The following REPS2 variants were observed in gnomAD, a reference collection of about 807,000 sequenced individuals.
REPS2 encodes RALBP1 associated Eps domain containing 2, also known as ralBP1-associated Eps domain-containing protein 2.
A neutral mutation model predicts 53.6 loss-of-function variants in REPS2; 23 were observed. The ratio of observed to expected loss-of-function variants is 0.43; its 90% confidence interval spans 0.31 to 0.61. The LOEUF (loss-of-function observed/expected upper bound fraction) is 0.61. Ranked by LOEUF, REPS2 falls within the 20% of genes least tolerant of loss-of-function variation. REPS2 has a pLI of 0.11. For missense variants in REPS2, 446 were observed against 534.9 expected (o/e 0.83, Z 1.64); for synonymous variants, 238 against 218.6 (o/e 1.09, Z -0.78).
chrX:17,066,729 C>T (rs557247584), intron 9 of REPS2, among the ~76,000 whole-genome samples: 4 of 111,875 alleles, frequency 3.6e-5, no homozygotes, highest in African/African-American at 6.5e-5. Flanking sequence ...AAAAATTAGC[C>T]GGGCGTGGTG....
the REPS2 span, among the ~76,000 whole-genome samples, chrX:17,180,176 T>C: frequency 9.0e-6 from 1 of 111,545 alleles, no homozygotes; most frequent in African/African-American, 3.3e-5. Flanking sequence ...GAGGAGGGTC[T>C]TAGGGTAAAA....
intron 13 of REPS2, among the ~76,000 whole-genome samples, chrX:17,083,770 A>C (rs1411983092): frequency 9.0e-6 from 1 of 111,230 alleles, no homozygotes; most frequent in African/African-American, 3.3e-5. Context: ...TTCTTTTAAA[A>C]TCTGGTAGGA....
At position 17,151,341 on chromosome X, in the gene REPS2, G is replaced by A. The variant is rs1157667215; in HGVS notation, c.*3860G>A. 1 of 112,386 alleles carries A rather than the reference G, an allele frequency of 8.9e-6. No homozygotes were observed. The highest frequency in any genetic ancestry group is 1.9e-5 in the Non-Finnish European group (1 of 53,244). The allele number at this position is 112,386 out of a possible 1,213,427, so 9.3% of individuals were successfully genotyped here. ...TCTTTAGTTGTGATTTGATTCTATA[G>A]TCTGTTTCTAAATGACATTTGTCTG... On this transcript the variant is annotated 3_prime_UTR_variant, in exon 18 of 18. Coordinates refer to ENST00000357277, the MANE Select transcript of REPS2 (RefSeq NM_004726.3).
chrX:16,962,640 C>T (rs1335516595), intron 1 of REPS2, among the ~76,000 whole-genome samples: 1 of 111,290 alleles, frequency 9.0e-6, no homozygotes. Flanking sequence ...GGAAAATGTG[C>T]TAAGAGTAGA....
intron 11 of REPS2, among the ~76,000 whole-genome samples, chrX:17,070,294 A>T (rs2062286410): frequency 8.9e-6 from 1 of 112,271 alleles, no homozygotes; most frequent in Non-Finnish European, 1.9e-5. Flanking sequence ...TGAGGTTGAG[A>T]TGATTTCAAC....
chrX:16,995,890 G>A (rs1380062636), intron 1 of REPS2, among the ~76,000 whole-genome samples: 1 of 111,678 alleles, frequency 9.0e-6, no homozygotes, highest in Non-Finnish European at 1.9e-5. Context: ...CTAGATCCAA[G>A]CTCATGCATT....
chrX:17,134,647 T>A (rs755103151), intron 15 of REPS2, among the ~76,000 whole-genome samples: 4 of 110,884 alleles, frequency 3.6e-5, no homozygotes, highest in Non-Finnish European at 7.6e-5. Flanking sequence ...TTTTTTTTCC[T>A]GAGACAGAGT....
At chrX:16,964,605 G>A (rs1001128446) in intron 1 of REPS2, among the ~76,000 whole-genome samples, 4 of 109,325 alleles carry the variant, frequency 3.7e-5, no homozygotes, top group Admixed American at 9.5e-5. Flanking sequence ...AGTAGGTGCC[G>A]CCGGGCAGAG....
intron 11 of REPS2, among the ~76,000 whole-genome samples, chrX:17,072,986 C>A (rs1285531022): frequency 1.8e-5 from 2 of 112,121 alleles, no homozygotes; most frequent in African/African-American, 6.5e-5. Context: ...CTACAACAAG[C>A]CAAAATGCTT....
the REPS2 span, among the ~76,000 whole-genome samples, chrX:17,166,444 A>G: frequency 8.9e-6 from 1 of 112,123 alleles, no homozygotes; most frequent in African/African-American, 3.2e-5. Flanking sequence ...GTTTTAGCTC[A>G]TTGACTTAAA....
intron 1 of REPS2, among the ~76,000 whole-genome samples, chrX:16,972,062 G>A (rs1450459481): frequency 8.9e-6 from 1 of 112,092 alleles, no homozygotes; most frequent in Non-Finnish European, 1.9e-5. Flanking sequence ...GTTAGAAGGT[G>A]GGGGAGTGAG....
At chrX:17,053,005 A>G (rs926933961) in intron 7 of REPS2, among the ~76,000 whole-genome samples, 1 of 111,682 alleles carries the variant, frequency 9.0e-6, no homozygotes, top group Non-Finnish European at 1.9e-5. Context: ...CAAAAGGGCT[A>G]TGCTGGGATG....
the REPS2 span, among the ~76,000 whole-genome samples, chrX:17,181,955 C>G: frequency 8.9e-6 from 1 of 112,042 alleles, no homozygotes; most frequent in Non-Finnish European, 1.9e-5. Flanking sequence ...GTTTCACATG[C>G]TCTTCCAGAA....
chrX:16,955,723 A>G (rs1399390678), intron 1 of REPS2, among the ~76,000 whole-genome samples: 1 of 111,865 alleles, frequency 8.9e-6, no homozygotes, highest in Non-Finnish European at 1.9e-5. Context: ...GCCATAGTCC[A>G]TTAGTTAGAA....
the REPS2 span, among the ~76,000 whole-genome samples, chrX:17,186,252 T>A: frequency 8.9e-6 from 1 of 112,486 alleles, no homozygotes; most frequent in African/African-American, 3.2e-5. Flanking sequence ...CAGTGGACAC[T>A]GTCTGCTGGC....
chrX:17,089,978 C>T (rs953245213), intron 13 of REPS2, among the ~76,000 whole-genome samples: 2 of 112,080 alleles, frequency 1.8e-5, no homozygotes, highest in African/African-American at 6.5e-5. Context: ...AGTATCTGCA[C>T]CATTTTACAT....
chrX:17,128,672 C>T (rs933483636), intron 14 of REPS2, among the ~76,000 whole-genome samples: 2 of 112,394 alleles, frequency 1.8e-5, no homozygotes, highest in Non-Finnish European at 3.8e-5. Flanking sequence ...AATGCTTAGC[C>T]TCTCTGGACC....
chrX:17,044,924 T>C (rs1217458602), intron 5 of REPS2, among the ~76,000 whole-genome samples: 1 of 111,489 alleles, frequency 9.0e-6, no homozygotes, highest in Admixed American at 9.5e-5. Context: ...ATTTTGATTT[T>C]TTTTGCTTTA....
intron 1 of REPS2, among the ~76,000 whole-genome samples, chrX:16,983,263 A>G (rs2061043108): frequency 8.9e-6 from 1 of 112,017 alleles, no homozygotes; most frequent in South Asian, 3.7e-4. Context: ...GAGCTTGGCA[A>G]TGGCTCTGAG....
Sources: allele counts gnomAD v4.1 joint callset (sites outside exome capture counted in the v4.1 genomes callset), GRCh38; gene constraint gnomAD v4.1.1; transcripts MANE v1.5; gene names NCBI Gene and HGNC (gene_info 2026-07-23, HGNC 2026-07-21).